Variants in ACTR3 observed in about 807,000 individuals in gnomAD.
The protein encoded by ACTR3 is actin-related protein 3.
ACTR3 carries 12 observed loss-of-function variants against 56.8 expected under a neutral mutation model. The observed-to-expected ratio is 0.21, with a 90% CI of 0.14 to 0.34. The LOEUF (loss-of-function observed/expected upper bound fraction) is 0.34, where lower values mean the gene tolerates loss of function less well. Among genes scored for constraint, ACTR3 ranks in the 10% least tolerant of loss-of-function variants. ACTR3 has a pLI of 1.00. For synonymous variants in ACTR3, 162 were observed against 167.4 expected (o/e 0.97, Z 0.25); for missense variants, 282 against 512.5 (o/e 0.55, Z 4.34).
At chr2:113,896,979 A>T (rs1406750074) in intron 1 of ACTR3, among the ~76,000 whole-genome samples, 1 of 152,236 alleles carries the variant, frequency 6.6e-6, no homozygotes, top group African/African-American at 2.4e-5. Context: ...ATGTAGCAAC[A>T]TGTGTTTCCT....
upstream of ACTR3, chr2:113,889,967 C>A: frequency 1.9e-6 from 1 of 531,692 alleles, no homozygotes; most frequent in Non-Finnish European, 3.3e-6. Context: ...GCCATCTTGG[C>A]TTCCCGGGGA....
chr2:113,911,828 CTAAGTT>C (rs1276024952), intron 1 of ACTR3, among the ~76,000 whole-genome samples: 2 of 150,938 alleles, frequency 1.3e-5, no homozygotes, highest in African/African-American at 4.9e-5. Flanking sequence ...CCTCCGCCTC[CTAAGTT>C]CAAGCGATTC....
At chr2:113,902,665 T>C (rs1436677803) in intron 1 of ACTR3, among the ~76,000 whole-genome samples, 1 of 152,008 alleles carries the variant, frequency 6.6e-6, no homozygotes, top group Admixed American at 6.6e-5. Flanking sequence ...AGTGACGTGA[T>C]CTTGGCTCCC....
At chr2:113,909,673 G>A (rs939701643) in intron 1 of ACTR3, among the ~76,000 whole-genome samples, 3 of 149,640 alleles carry the variant, frequency 2.0e-5, no homozygotes, top group African/African-American at 7.5e-5. Flanking sequence ...ATGTGAGGGG[G>A]GAATAGGGAA....
intron 3 of ACTR3, among the ~76,000 whole-genome samples, chr2:113,922,917 T>A (rs1468547948): frequency 1.3e-5 from 2 of 152,160 alleles, no homozygotes; most frequent in East Asian, 3.9e-4. Flanking sequence ...CAGAGAAGGG[T>A]ATACCTGCAT....
chr2:113,959,051 G>A lies in ACTR3; in HGVS notation c.*1596G>A, dbSNP rs1467846722. On this transcript the variant is annotated 3_prime_UTR_variant, in exon 12 of 12. Transcript: ENST00000263238. Reference sequence around the variant, plus strand: ...CAGTAGTATCATCATCAGTATCAAAGGTCTCCTTTTTTTACTTGGAAAAGT... The same window carrying A: ...CAGTAGTATCATCATCAGTATCAAAAGTCTCCTTTTTTTACTTGGAAAAGT... 2.6e-5 allele frequency: 4 copies of A among 151,814 alleles called. No individual in the cohort carries two copies. In the South Asian group the frequency reaches 8.3e-4, roughly 31 times the overall value. The allele number at this position is 151,814 out of a possible 1,614,324, so 9.4% of individuals were successfully genotyped here. A position where few individuals can be genotyped will look rare whatever the true frequency, so the allele number is the denominator to read the frequency against.
intron 3 of ACTR3, among the ~76,000 whole-genome samples, chr2:113,918,309 T>G (rs887174292): frequency 6.6e-6 from 1 of 152,174 alleles, no homozygotes; most frequent in African/African-American, 2.4e-5. Flanking sequence ...TTCAGTGACT[T>G]AACCTTTCTG....
chr2:113,941,374 A>G (rs539077745), intron 7 of ACTR3, among the ~76,000 whole-genome samples: 42 of 152,334 alleles, frequency 2.8e-4, no homozygotes, highest in African/African-American at 9.9e-4. Context: ...CTTTAAAGGA[A>G]TATCATTTCT....
intron 11 of ACTR3, 119 bp from the exon 12 acceptor site, chr2:113,957,238 CTAA>C (rs1199446054): frequency 1.9e-5 from 12 of 628,320 alleles, no homozygotes; most frequent in Non-Finnish European, 3.0e-5. Context: ...CATGAATGGA[CTAA>C]TAATAAACAT....
chr2:113,927,258 T>G lies in ACTR3; in HGVS notation c.226-87T>G. On this transcript the variant is annotated intron_variant, in intron 3 of 11. Coordinates refer to ENST00000263238, the MANE Select transcript of ACTR3 (RefSeq NM_005721.5). ...GAATATATCCTCATCTAATATCCAC[T>G]AATGATCTGATATTTCCTTTTTTGT... 4.8e-6 allele frequency: 4 copies of G among 827,270 alleles called. No homozygotes were observed. In the South Asian group the frequency reaches 7.2e-5, roughly 15 times the overall value. 51.2% of individuals were successfully genotyped at this position (827,270 alleles called of 1,614,324 possible).
At chr2:113,895,798 T>G (rs1678995949) in intron 1 of ACTR3, among the ~76,000 whole-genome samples, 1 of 152,240 alleles carries the variant, frequency 6.6e-6, no homozygotes, top group Non-Finnish European at 1.5e-5. Context: ...TTTATACACT[T>G]CAACCTCTGC....
chr2:113,957,551 C>A lies in ACTR3; in HGVS notation c.*96C>A. 1 of 910,668 alleles carries A rather than the reference C, an allele frequency of 1.1e-6. No homozygotes were observed. The allele number at this position is 910,668 out of a possible 1,614,324, so 56.4% of individuals were successfully genotyped here. On this transcript the variant is annotated 3_prime_UTR_variant, in exon 12 of 12. Transcript: ENST00000263238. ...GGATGGCTGGTTTTGAGGTTTTAAA[C>A]CTGACTTGAAATAGTAACACCAAAC...
At chr2:113,944,974 C>T (rs1574380402) in intron 8 of ACTR3, among the ~76,000 whole-genome samples, 1 of 152,170 alleles carries the variant, frequency 6.6e-6, no homozygotes, top group East Asian at 1.9e-4. Context: ...TTTGATAAAG[C>T]AGAGATTAAA....
intron 1 of ACTR3, among the ~76,000 whole-genome samples, chr2:113,907,176 T>C (rs1679210909): frequency 6.6e-6 from 1 of 152,210 alleles, no homozygotes; most frequent in South Asian, 2.1e-4. Context: ...TCAGGTTGTT[T>C]ACTAGCTGTC....
intron 1 of ACTR3, among the ~76,000 whole-genome samples, chr2:113,901,814 T>A (rs576794245): frequency 6.6e-6 from 1 of 152,234 alleles, no homozygotes; most frequent in Non-Finnish European, 1.5e-5. Flanking sequence ...AGAATTGTAA[T>A]GGAACATTGG....
chr2:113,912,654 C>T (rs1221388269), intron 1 of ACTR3, among the ~76,000 whole-genome samples: 1 of 152,042 alleles, frequency 6.6e-6, no homozygotes, highest in Non-Finnish European at 1.5e-5. Flanking sequence ...TGTGCCTATA[C>T]AAAATATTTC....
In ACTR3 at chr2:113,951,563, C is replaced by T. The variant is rs1291444788; in HGVS notation, c.943C>T (p.Leu315Phe). 1 of 1,609,586 alleles carries T rather than the reference C, an allele frequency of 6.2e-7. No homozygotes were observed. The highest frequency in any genetic ancestry group is 8.5e-7 in the Non-Finnish European group (1 of 1,176,266). ...TTGTCCTATTGATGTCAGACGTCCT[C>T]TCTACAAGGTATTTATAGCAAAATT... ...QNCPIDVRRP[L>F]YKNIVLSGGS... The change falls in exon 9 of 12, where the codon CTC becomes TTC. Residue 315 changes from leucine to phenylalanine, a missense_variant. Transcript: ENST00000263238.
At chr2:113,916,236 C>T (rs1189089634) in intron 2 of ACTR3, among the ~76,000 whole-genome samples, 6 of 150,898 alleles carry the variant, frequency 4.0e-5, no homozygotes, top group Non-Finnish European at 7.4e-5. Flanking sequence ...TTGATGGATT[C>T]GTACATTTAT....
intron 1 of ACTR3, 185 bp downstream of exon 1, chr2:113,890,508 C>T (rs1678866589): frequency 2.2e-6 from 3 of 1,345,684 alleles, no homozygotes; most frequent in Admixed American, 3.1e-5. Flanking sequence ...GTTTCTCCCT[C>T]CTGGGACTGG....
Sources: allele counts gnomAD v4.1 joint callset (sites outside exome capture counted in the v4.1 genomes callset), GRCh38; gene constraint gnomAD v4.1.1; transcripts MANE v1.5; gene names NCBI Gene and HGNC (gene_info 2026-07-23, HGNC 2026-07-21).